The following UCK2 variants were observed in gnomAD, a reference collection of about 807,000 sequenced individuals.
UCK2 encodes the protein uridine-cytidine kinase 2.
UCK2 carries 6 observed loss-of-function variants against 30.8 expected under a neutral mutation model. The ratio of observed to expected loss-of-function variants is 0.19; its 90% CI spans 0.11 to 0.38. UCK2 has a LOEUF of 0.38. Among genes scored for constraint, UCK2 ranks in the 10% least tolerant of loss-of-function variants. UCK2 has a pLI of 1.00. For synonymous variants in UCK2, 125 were observed against 133.6 expected, an observed-to-expected ratio of 0.94 and a Z score of 0.45; for missense variants, 210 against 339.8, an observed-to-expected ratio of 0.62 and a Z score of 3.00.
At chr1:165,880,232 T>C (rs1655450751) in intron 1 of UCK2, among the ~76,000 whole-genome samples, 1 of 152,366 alleles carries the variant, frequency 6.6e-6, no homozygotes, top group South Asian at 2.1e-4. Context: ...TTGTGTCTCA[T>C]ACCCAGAAGG....
chr1:165,891,607 T>C, intron 3 of UCK2: 1 of 345,614 alleles, frequency 2.9e-6, no homozygotes, highest in East Asian at 5.4e-5. Flanking sequence ...TGCATGTGCA[T>C]TCTGATCCAC....
At chr1:165,872,779 G>A (rs1655229995) in intron 1 of UCK2, among the ~76,000 whole-genome samples, 1 of 152,182 alleles carries the variant, frequency 6.6e-6, no homozygotes, top group African/African-American at 2.4e-5. Context: ...CAGACAGCGT[G>A]TATTAGTGTC....
chr1:165,895,194 GC>G (rs1655867991), intron 3 of UCK2, among the ~76,000 whole-genome samples: 1 of 152,122 alleles, frequency 6.6e-6, no homozygotes, highest in Non-Finnish European at 1.5e-5. Context: ...TGGGTGGGTT[GC>G]ATGAGTCCAG....
At chr1:165,900,966 G>T (rs534699972) in intron 4 of UCK2, among the ~76,000 whole-genome samples, 2 of 152,120 alleles carry the variant, frequency 1.3e-5, no homozygotes, top group Non-Finnish European at 1.5e-5. Context: ...ATCTGGAGAC[G>T]TGTGAAGAAT....
At chr1:165,839,416 G>A (rs1041056288) in intron 1 of UCK2, among the ~76,000 whole-genome samples, 2 of 152,150 alleles carry the variant, frequency 1.3e-5, no homozygotes, top group Non-Finnish European at 2.9e-5. Context: ...TCTGGAGGAA[G>A]GGGTCAGGAG....
At chr1:165,854,488 C>T (rs1298131563) in intron 1 of UCK2, among the ~76,000 whole-genome samples, 3 of 152,068 alleles carry the variant, frequency 2.0e-5, no homozygotes, top group Admixed American at 6.6e-5. Context: ...TAGCATAAGG[C>T]GCCATTGCCA....
At chr1:165,844,619 C>T (rs151170247) in intron 1 of UCK2, among the ~76,000 whole-genome samples, 30 of 152,284 alleles carry the variant, frequency 2.0e-4, no homozygotes, top group Admixed American at 5.9e-4. Flanking sequence ...GCTAAGGGAA[C>T]GAACCGCGTG....
At chr1:165,853,884 G>A (rs1395753826) in intron 1 of UCK2, among the ~76,000 whole-genome samples, 1 of 152,084 alleles carries the variant, frequency 6.6e-6, no homozygotes, top group Non-Finnish European at 1.5e-5. Flanking sequence ...GACACTCAAG[G>A]GCTTTTGGAA....
intron 1 of UCK2, among the ~76,000 whole-genome samples, chr1:165,881,102 G>A (rs555257976): frequency 1.3e-5 from 2 of 150,532 alleles, no homozygotes; most frequent in South Asian, 4.2e-4. Context: ...GAACCTGGGA[G>A]GCAGAGGTTG....
chr1:165,863,955 T>G (rs937269619), intron 1 of UCK2, among the ~76,000 whole-genome samples: 4 of 152,218 alleles, frequency 2.6e-5, no homozygotes, highest in Non-Finnish European at 4.4e-5. Flanking sequence ...AGTTTTTTAG[T>G]AGTTCCTGCC....
chr1:165,831,459 C>T (rs1031497721), intron 1 of UCK2, among the ~76,000 whole-genome samples: 2 of 152,180 alleles, frequency 1.3e-5, no homozygotes, highest in Admixed American at 6.5e-5. Context: ...GGAAAAAAAC[C>T]CAGGCTAAAC....
At chr1:165,883,327 G>A (rs550827036) in intron 1 of UCK2, among the ~76,000 whole-genome samples, 1 of 152,182 alleles carries the variant, frequency 6.6e-6, no homozygotes, top group East Asian at 1.9e-4. Flanking sequence ...TGCAGTCTGT[G>A]TGCCCAGCTA....
chr1:165,894,770 T>A (rs1026809119), intron 3 of UCK2, among the ~76,000 whole-genome samples: 6 of 151,970 alleles, frequency 3.9e-5, no homozygotes, highest in Admixed American at 1.3e-4. Flanking sequence ...TGAGAAGGCA[T>A]CAGGAAGTGT....
At chr1:165,871,303 T>C (rs1655190844) in intron 1 of UCK2, among the ~76,000 whole-genome samples, 1 of 152,202 alleles carries the variant, frequency 6.6e-6, no homozygotes, top group Non-Finnish European at 1.5e-5. Context: ...GTTTAACAAA[T>C]GGCTTTCATC....
At chr1:165,866,301 C>A (rs1292308439) in intron 1 of UCK2, among the ~76,000 whole-genome samples, 1 of 152,080 alleles carries the variant, frequency 6.6e-6, no homozygotes, top group South Asian at 2.1e-4. Context: ...TTTCCCCTGC[C>A]CAATTGTGGT....
chr1:165,898,603 G>A (rs1438990158), intron 4 of UCK2, among the ~76,000 whole-genome samples: 1 of 152,192 alleles, frequency 6.6e-6, no homozygotes, highest in Non-Finnish European at 1.5e-5. Flanking sequence ...GGGAGGCCTC[G>A]CAGCAGGGAG....
intron 1 of UCK2, among the ~76,000 whole-genome samples, chr1:165,862,500 C>T (rs567230584): frequency 6.6e-6 from 1 of 152,342 alleles, no homozygotes; most frequent in South Asian, 2.1e-4. Context: ...GAAGTGCCAG[C>T]ACTTGGGAAA....
At chr1:165,861,639 AAAAAAAAAAACAAAAAAAAAC>A (rs1654904615) in intron 1 of UCK2, among the ~76,000 whole-genome samples, 3 of 139,420 alleles carry the variant, frequency 2.2e-5, no homozygotes, top group Admixed American at 2.1e-4. Context: ...AAAAAAAAAA[AAAAAAAAAAACAAAAAAAAAC>A]AACAGTAAAA....
chr1:165,866,534 T>TA (rs1175312083), intron 1 of UCK2, among the ~76,000 whole-genome samples: 1 of 152,204 alleles, frequency 6.6e-6, no homozygotes, highest in Admixed American at 6.5e-5. Context: ...TCTGGCAAAA[T>TA]ATACATAACG....
Sources: gnomAD v4.1 joint callset for allele counts (sites outside exome capture counted in the v4.1 genomes callset) on GRCh38, gnomAD v4.1.1 for gene constraint, MANE v1.5 for transcripts, NCBI Gene and HGNC (gene_info 2026-07-23, HGNC 2026-07-21) for gene names.